Variants in RAPGEF2 observed in about 807,000 individuals in gnomAD.
RAPGEF2 encodes the protein Rap guanine nucleotide exchange factor 2.
RAPGEF2 carries 54 observed loss-of-function variants against 186.7 expected under a neutral mutation model. The ratio of observed to expected loss-of-function variants is 0.29; its 90% CI spans 0.23 to 0.36. The LOEUF (loss-of-function observed/expected upper bound fraction) is 0.36, where lower values mean the gene tolerates loss of function less well. Among genes scored for constraint, RAPGEF2 ranks in the 10% least tolerant of loss-of-function variants. The pLI is 1.00. For synonymous variants in RAPGEF2, 712 were observed against 705.9 expected, an observed-to-expected ratio of 1.01 and a Z score of -0.14; for missense variants, 1,532 against 2,045.0, an observed-to-expected ratio of 0.75 and a Z score of 4.84.
intron 7 of RAPGEF2, chr4:159,267,372 G>GT: frequency 8.0e-7 from 1 of 1,246,650 alleles, no homozygotes; most frequent in Non-Finnish European, 1.1e-6. Flanking sequence ...TTGAGATTGT[G>GT]TGTGTGCATG....
At chr4:159,243,870 A>G in intron 7 of RAPGEF2, 79 bp downstream of exon 7, 1 of 1,024,194 alleles carries the variant, frequency 9.8e-7, no homozygotes, top group Non-Finnish European at 1.3e-6. Context: ...TGAATTTATA[A>G]TATTCATATG....
At chr4:159,114,855 G>A (rs778216165) in intron 1 of RAPGEF2, among the ~76,000 whole-genome samples, 25 of 152,108 alleles carry the variant, frequency 1.6e-4, no homozygotes, top group Non-Finnish European at 2.8e-4. Flanking sequence ...TGGAAGGGGA[G>A]GGAAGGGAAT....
chr4:159,225,679 A>G (rs953899412), intron 4 of RAPGEF2, among the ~76,000 whole-genome samples: 5 of 152,208 alleles, frequency 3.3e-5, no homozygotes, highest in Non-Finnish European at 7.4e-5. Flanking sequence ...TAGCTCTTCT[A>G]GTAGATACGT....
At chr4:159,277,976 T>C (rs1759152294) in intron 7 of RAPGEF2, among the ~76,000 whole-genome samples, 2 of 152,234 alleles carry the variant, frequency 1.3e-5, no homozygotes, top group African/African-American at 4.8e-5. Context: ...ATTTTTGCTT[T>C]TGTTGCCATT....
At chr4:159,334,853 A>G (rs1767177053) in intron 17 of RAPGEF2, among the ~76,000 whole-genome samples, 2 of 152,230 alleles carry the variant, frequency 1.3e-5, no homozygotes, top group African/African-American at 2.4e-5. Context: ...AACATCTTAA[A>G]TAATTTGTAT....
chr4:159,286,739 T>C (rs1299968575), intron 7 of RAPGEF2, among the ~76,000 whole-genome samples: 2 of 152,356 alleles, frequency 1.3e-5, no homozygotes, highest in Non-Finnish European at 2.9e-5. Flanking sequence ...TCTGTGATGC[T>C]TACCTGGCTG....
At chr4:159,221,682 A>G (rs1461055275) in intron 4 of RAPGEF2, among the ~76,000 whole-genome samples, 1 of 152,188 alleles carries the variant, frequency 6.6e-6, no homozygotes, top group Non-Finnish European at 1.5e-5. Flanking sequence ...TTAATTGCCT[A>G]TGCTTACATT....
intron 1 of RAPGEF2, among the ~76,000 whole-genome samples, chr4:159,118,593 A>AT (rs977526534): frequency 3.8e-4 from 56 of 146,782 alleles, no homozygotes; most frequent in Non-Finnish European, 6.1e-4. Context: ...TATTATTATT[A>AT]TTTTTTTTTG....
At chr4:159,324,668 A>G (rs1021801602) in intron 11 of RAPGEF2, among the ~76,000 whole-genome samples, 1 of 152,210 alleles carries the variant, frequency 6.6e-6, no homozygotes, top group African/African-American at 2.4e-5. Flanking sequence ...ATAATAGCTA[A>G]TAAAAAGAAA....
intron 29 of RAPGEF2, 110 bp downstream of exon 29, chr4:159,356,268 A>AG (rs1731994878): frequency 8.8e-7 from 1 of 1,134,990 alleles, no homozygotes; most frequent in Admixed American, 2.5e-5. Context: ...GTCTAACCAT[A>AG]TACTACACAA....
chr4:159,269,759 C>T (rs376986306), intron 7 of RAPGEF2, among the ~76,000 whole-genome samples: 7 of 151,998 alleles, frequency 4.6e-5, no homozygotes, highest in African/African-American at 7.3e-5. Context: ...GCCTATAATC[C>T]GAGCACTTTG....
chr4:159,344,693 T>A (rs973730606), intron 23 of RAPGEF2, among the ~76,000 whole-genome samples: 3 of 152,220 alleles, frequency 2.0e-5, no homozygotes, highest in Non-Finnish European at 4.4e-5. Context: ...TTTTGAACAT[T>A]GTAGCTAATT....
chr4:159,303,799 C>T (rs967709994), intron 7 of RAPGEF2, among the ~76,000 whole-genome samples: 2 of 152,122 alleles, frequency 1.3e-5, no homozygotes, highest in Admixed American at 1.3e-4. Context: ...AAGTGTTGTC[C>T]ATAACTTTCT....
At chr4:159,180,186 T>C (rs1303185223) in intron 1 of RAPGEF2, among the ~76,000 whole-genome samples, 4 of 152,254 alleles carry the variant, frequency 2.6e-5, no homozygotes, top group Non-Finnish European at 4.4e-5. Context: ...TGGTAACTAA[T>C]ATTTGGCTGC....
chr4:159,193,312 T>TA, intron 3 of RAPGEF2, 56 bp downstream of exon 3: 1 of 1,172,516 alleles, frequency 8.5e-7, no homozygotes, highest in Non-Finnish European at 1.1e-6. Context: ...TAAATTTTCT[T>TA]AAAGTATCAA....
chr4:159,174,352 A>G (rs1203098112), intron 1 of RAPGEF2, among the ~76,000 whole-genome samples: 1 of 152,156 alleles, frequency 6.6e-6, no homozygotes, highest in Non-Finnish European at 1.5e-5. Flanking sequence ...TGCAGATTAT[A>G]GATGATACTT....
intron 17 of RAPGEF2, among the ~76,000 whole-genome samples, chr4:159,336,015 A>G (rs1767367450): frequency 1.3e-5 from 2 of 152,102 alleles, no homozygotes; most frequent in South Asian, 4.1e-4. Context: ...TGAAAAATAA[A>G]ATTCCACTAA....
chr4:159,176,563 G>GT (rs1293417474), intron 1 of RAPGEF2, among the ~76,000 whole-genome samples: 3 of 151,962 alleles, frequency 2.0e-5, no homozygotes, highest in Non-Finnish European at 2.9e-5. Context: ...AATATAACAG[G>GT]TTTTTTTCAA....
intron 3 of RAPGEF2, among the ~76,000 whole-genome samples, chr4:159,202,873 A>AT (rs1184254942): frequency 6.6e-6 from 1 of 152,170 alleles, no homozygotes; most frequent in African/African-American, 2.4e-5. Flanking sequence ...AAGTGCTGGG[A>AT]TTACAGGCGT....
Sources: allele counts gnomAD v4.1 joint callset (sites outside exome capture counted in the v4.1 genomes callset), GRCh38; gene constraint gnomAD v4.1.1; transcripts MANE v1.5; gene names NCBI Gene and HGNC (gene_info 2026-07-23, HGNC 2026-07-21).